The following ITK variants were observed in gnomAD, a reference collection of about 807,000 sequenced individuals.
ITK encodes the protein IL2 inducible T cell kinase.
Under a neutral mutation model 87.6 loss-of-function variants are expected in ITK, and 45 were observed. That is an observed-to-expected ratio of 0.51 (90% CI 0.40 to 0.66). The LOEUF (loss-of-function observed/expected upper bound fraction) is 0.66, where lower values mean the gene tolerates loss of function less well. ITK is among the 30% of genes least tolerant of loss of function. ITK has a pLI of 0.00. For synonymous variants in ITK, 303 were observed against 273.6 expected (o/e 1.11, Z -1.06); for missense variants, 605 against 766.3 (o/e 0.79, Z 2.48).
intron 16 of ITK, among the ~76,000 whole-genome samples, chr5:157,249,286 C>T (rs531342745): frequency 3.9e-5 from 6 of 152,330 alleles, no homozygotes; most frequent in African/African-American, 9.6e-5. Context: ...CAGCTTCCTT[C>T]TCGATTTTCT....
chr5:157,218,533 G>A (rs914108928), intron 5 of ITK, among the ~76,000 whole-genome samples: 5 of 150,978 alleles, frequency 3.3e-5, no homozygotes, highest in Non-Finnish European at 7.4e-5. Flanking sequence ...AAAAAACAAG[G>A]TGCACATCTA....
intron 11 of ITK, 128 bp from the exon 12 acceptor site, chr5:157,243,495 T>C (rs1212609590): frequency 2.5e-6 from 2 of 797,444 alleles, no homozygotes; most frequent in African/African-American, 3.4e-5. Context: ...AAAGATAATT[T>C]ATTTGCCATC....
intron 7 of ITK, 140 bp downstream of exon 7, chr5:157,228,501 A>C (rs911470465): frequency 4.5e-6 from 3 of 666,634 alleles, no homozygotes; most frequent in Non-Finnish European, 8.2e-6. Flanking sequence ...CCAGCTCTTG[A>C]TACCTAAATA....
chr5:157,223,159 A>G (rs1196456768), intron 6 of ITK, 145 bp downstream of exon 6: 5 of 1,057,488 alleles, frequency 4.7e-6, no homozygotes, highest in Non-Finnish European at 7.3e-6. Flanking sequence ...AGAGGGAGGA[A>G]GAGGAAGTAG....
chr5:157,230,443 G>C (rs952069301), intron 7 of ITK, among the ~76,000 whole-genome samples: 2 of 152,128 alleles, frequency 1.3e-5, no homozygotes, highest in Non-Finnish European at 2.9e-5. Context: ...ATTCAAATGT[G>C]GTCGTGTTAT....
intron 6 of ITK, among the ~76,000 whole-genome samples, chr5:157,226,856 G>T (rs35668839): frequency 0.016 from 2,486 of 152,192 alleles, 29 homozygotes; most frequent in Non-Finnish European, 0.027. Flanking sequence ...CCAGAGTGCA[G>T]TGGCACGATC....
chr5:157,222,678 T>C (rs2113760833), intron 5 of ITK, 185 bp from the exon 6 acceptor site: 2 of 636,464 alleles, frequency 3.1e-6, no homozygotes, highest in Admixed American at 2.4e-5. Flanking sequence ...ATTTACCTCA[T>C]AGAATGAGCA....
At chr5:157,185,362 T>A (rs547316012) in intron 1 of ITK, among the ~76,000 whole-genome samples, 6 of 151,886 alleles carry the variant, frequency 4.0e-5, no homozygotes, top group Admixed American at 1.3e-4. Flanking sequence ...CCTCAGCCTC[T>A]TGAGTAGCTG....
chr5:157,187,790 C>T (rs962212933), intron 1 of ITK, among the ~76,000 whole-genome samples: 4 of 152,012 alleles, frequency 2.6e-5, no homozygotes, highest in South Asian at 2.1e-4. Context: ...CTAAAGCCTC[C>T]GTAGATAATA....
rs1561652500 is a variant in ITK at position 157,208,787 on chromosome 5, A to T, written c.139-102A>T. On this transcript the variant is annotated intron_variant, in intron 1 of 16. Coordinates refer to ENST00000422843, the MANE Select transcript of ITK (RefSeq NM_005546.4). ...TGGTTTGGAGGGTTGGAATAGGTTTAAAAAGCCAATGGATCTTATCTAGCA... is the reference window on the plus strand; with the variant it reads ...TGGTTTGGAGGGTTGGAATAGGTTTTAAAAGCCAATGGATCTTATCTAGCA... 8 of 843,934 alleles carry T rather than the reference A, an allele frequency of 9.5e-6. No individual in the cohort carries two copies. The East Asian group carries it at 2.1e-4, about 22-fold the overall frequency. 52.3% of individuals were successfully genotyped at this position (843,934 alleles called of 1,614,324 possible).
At chr5:157,187,288 G>A (rs1161818018) in intron 1 of ITK, among the ~76,000 whole-genome samples, 1 of 152,212 alleles carries the variant, frequency 6.6e-6, no homozygotes, top group Admixed American at 6.5e-5. Flanking sequence ...CTTTATGAGA[G>A]CAGGCACCCA....
chr5:157,184,241 G>A (rs988211383), intron 1 of ITK, among the ~76,000 whole-genome samples: 3 of 152,146 alleles, frequency 2.0e-5, no homozygotes, highest in Non-Finnish European at 4.4e-5. Flanking sequence ...TTAGGAATCC[G>A]AGTACAGGGC....
chr5:157,228,181 A>G, intron 6 of ITK, 115 bp from the exon 7 acceptor site: 1 of 742,682 alleles, frequency 1.3e-6, no homozygotes, highest in East Asian at 2.6e-5. Context: ...CTTATCGCAA[A>G]TGCCAAATAA....
chr5:157,222,210 A>G (rs1460453772), intron 5 of ITK, among the ~76,000 whole-genome samples: 1 of 151,986 alleles, frequency 6.6e-6, no homozygotes, highest in Non-Finnish European at 1.5e-5. Context: ...CCCATCCTGA[A>G]CTCTGGCGAC....
intron 1 of ITK, among the ~76,000 whole-genome samples, chr5:157,208,128 G>A (rs1437863549): frequency 2.0e-5 from 3 of 152,164 alleles, no homozygotes; most frequent in African/African-American, 7.2e-5. Flanking sequence ...TTTCCTTGGA[G>A]CCTGATAGAC....
chr5:157,202,988 T>G (rs1243118520), intron 1 of ITK, among the ~76,000 whole-genome samples: 1 of 152,208 alleles, frequency 6.6e-6, no homozygotes, highest in Non-Finnish European at 1.5e-5. Flanking sequence ...CCCAGTATTT[T>G]TCTACCCCAG....
chr5:157,200,560 C>G (rs1230445645), intron 1 of ITK, among the ~76,000 whole-genome samples: 1 of 152,202 alleles, frequency 6.6e-6, no homozygotes. Flanking sequence ...ATAGCTGGTC[C>G]TGCTGTTTAC....
intron 16 of ITK, among the ~76,000 whole-genome samples, chr5:157,249,733 T>C (rs77323274): frequency 6.6e-6 from 1 of 152,256 alleles, no homozygotes; most frequent in Non-Finnish European, 1.5e-5. Flanking sequence ...AACTTCCTTT[T>C]TCTTACTGTT....
chr5:157,193,677 A>G (rs1483574212), intron 1 of ITK, among the ~76,000 whole-genome samples: 4 of 152,198 alleles, frequency 2.6e-5, no homozygotes, highest in Non-Finnish European at 4.4e-5. Flanking sequence ...ATGTTCTTCA[A>G]TGGACATTTT....
Sources: allele counts gnomAD v4.1 joint callset (sites outside exome capture counted in the v4.1 genomes callset), GRCh38; gene constraint gnomAD v4.1.1; transcripts MANE v1.5; gene names NCBI Gene and HGNC (gene_info 2026-07-23, HGNC 2026-07-21).